Variants in TNFRSF1B observed in about 807,000 individuals in gnomAD.
TNFRSF1B encodes TNF receptor superfamily member 1B.
Under a neutral mutation model 44.6 loss-of-function variants are expected in TNFRSF1B, and 19 were observed. That is an observed-to-expected ratio of 0.43 (90% confidence interval 0.30 to 0.62). The LOEUF (loss-of-function observed/expected upper bound fraction) is 0.62. Ranked by LOEUF, TNFRSF1B falls within the 20% of genes least tolerant of loss-of-function variation. The pLI, the probability that TNFRSF1B is intolerant of heterozygous loss-of-function variation, is 0.16. For missense variants in TNFRSF1B, 541 were observed against 619.9 expected (o/e 0.87, Z 1.35); for synonymous variants, 252 against 261.1 (o/e 0.97, Z 0.34).
At position 12,192,851 on chromosome 1, in the gene TNFRSF1B, C is replaced by T. The variant is rs778099535; in HGVS notation, c.552-12C>T. ...CCCTGCTGCCTCCTGACCAAGCCTC[C>T]TCCTCCTCCAGCTGTAACGTGGTGG... On this transcript the variant is annotated splice_polypyrimidine_tract_variant and intron_variant, in intron 5 of 9. Transcript: ENST00000376259. 3.7e-6 allele frequency: 6 copies of T among 1,609,490 alleles called. No individual in the cohort carries two copies. In the South Asian group the frequency reaches 6.6e-5, roughly 18 times the overall value.
intron 9 of TNFRSF1B, among the ~76,000 whole-genome samples, chr1:12,204,749 G>A (rs976676626): frequency 1.3e-5 from 2 of 151,990 alleles, no homozygotes; most frequent in African/African-American, 2.4e-5. Context: ...AAATGTAAAC[G>A]CCTGAATTTT....
chr1:12,203,994 G>C (rs1363931658), intron 9 of TNFRSF1B, among the ~76,000 whole-genome samples: 1 of 152,182 alleles, frequency 6.6e-6, no homozygotes, highest in Non-Finnish European at 1.5e-5. Context: ...CCTCCCGAAG[G>C]GCTGGGATTA....
intron 4 of TNFRSF1B, among the ~76,000 whole-genome samples, chr1:12,192,186 G>A (rs543348124): frequency 4.5e-4 from 68 of 152,358 alleles, no homozygotes; most frequent in African/African-American, 1.4e-3. Context: ...AAAGTTATGT[G>A]ATGCTGCAAG....
In TNFRSF1B at chr1:12,207,199, G is replaced by A; in HGVS notation, c.*179G>A. The A allele has an allele frequency of 1.7e-6, 1 of 587,006 alleles. No individual in the cohort carries two copies. Among genetic ancestry groups the A allele is most frequent in the Non-Finnish European group, 2.7e-6 (1 of 366,216 alleles). The allele number at this position is 587,006 out of a possible 1,614,324, so 36.4% of individuals were successfully genotyped here. A position where few individuals can be genotyped will look rare whatever the true frequency, so the allele number is the denominator to read the frequency against. On this transcript the variant is annotated 3_prime_UTR_variant, in exon 10 of 10. Coordinates refer to ENST00000376259, the MANE Select transcript of TNFRSF1B (RefSeq NM_001066.3). ...CCCTCTGACCTGCAGGCCAAGAGCAGAGGCAGCGAGTTGTGGAAAGCCTCT... is the reference window on the plus strand; with the variant it reads ...CCCTCTGACCTGCAGGCCAAGAGCAAAGGCAGCGAGTTGTGGAAAGCCTCT...
rs1230548641 is a variant in TNFRSF1B, at chr1:12,208,469, G to A, written c.*1449G>A. On this transcript the variant is annotated 3_prime_UTR_variant, in exon 10 of 10. Coordinates refer to ENST00000376259, the MANE Select transcript of TNFRSF1B (RefSeq NM_001066.3). ...GGGTGTGTGTAGCCAAGGTCGGTAAGTTGAATGGCCTGCCTTGAAGCCACT... is the reference window on the plus strand; with the variant it reads ...GGGTGTGTGTAGCCAAGGTCGGTAAATTGAATGGCCTGCCTTGAAGCCACT... 2.0e-5 allele frequency: 3 copies of A among 152,852 alleles called. No homozygotes were observed. Among genetic ancestry groups the A allele is most frequent in the Non-Finnish European group, 4.4e-5 (3 of 68,222 alleles). 9.5% of individuals were successfully genotyped at this position (152,852 alleles called of 1,614,324 possible).
intron 3 of TNFRSF1B, 97 bp downstream of exon 3, chr1:12,191,182 C>A (rs934452561): frequency 8.6e-6 from 13 of 1,503,798 alleles, no homozygotes; most frequent in Non-Finnish European, 9.9e-6. Context: ...CTGGAGTTAC[C>A]CCAGGCTGGT....
intron 1 of TNFRSF1B, among the ~76,000 whole-genome samples, chr1:12,183,835 C>A (rs1392472101): frequency 1.3e-5 from 2 of 150,424 alleles, no homozygotes; most frequent in East Asian, 3.9e-4. Context: ...ACCTATCTAT[C>A]TATCTATCTA....
rs895603312 is a variant in TNFRSF1B, at chr1:12,178,238, C to G, written c.79-10558C>G. On this transcript the variant is annotated intron_variant, in intron 1 of 9. Transcript: ENST00000376259. The surrounding 1 kb of genome is among the most constrained non-coding windows in gnomAD (Gnocchi z 4.3). ...AAAACTTTGCTTCTGTTGAGCAATT[C>G]GGCATCGATGAGACGCCAGCTGTGG... 6.6e-6 allele frequency among the ~76,000 whole-genome samples: 1 copy of G among 152,216 alleles called. No homozygotes were observed. Among genetic ancestry groups the G allele is most frequent in the East Asian group, 1.9e-4 (1 of 5,200 alleles).
In TNFRSF1B at chr1:12,192,978, C is replaced by T. The variant is rs1398863216; in HGVS notation, c.667C>T (p.Arg223Ter). 3.1e-6 allele frequency: 5 copies of T among 1,614,110 alleles called. No individual in the cohort carries two copies. Among genetic ancestry groups the T allele is most frequent in the East Asian group, 2.2e-5 (1 of 44,892 alleles). The change falls in exon 6 of 10, where the codon CGA becomes TGA. Residue 223 changes from arginine (R) to a stop codon, truncating the protein, a stop_gained. Transcript: ENST00000376259. LOFTEE classifies it high-confidence loss of function. Reference protein sequence around the residue: ...AVHLPQPVSTRSQHTQPTPEP... With the variant: ...AVHLPQPVST ...ACACTTACCCCAGCCAGTGTCCACA[C>T]GATCCCAACACACGCAGCCAACTCC...
In TNFRSF1B at chr1:12,201,975, G is replaced by A; in HGVS notation, c.909G>A (p.Leu303=). ...ACCCCCTGCCCATCCAGCCTCACTT[G>A]CCTGCCGATAAGGCCCGGGGTACAC... The part of the protein sequence containing the change: ...CLQREAKVPH[L]PADKARGTQG... The change falls in exon 9 of 10, where the codon TTG becomes TTA. Residue 303 remains leucine (L), a synonymous_variant. Transcript: ENST00000376259. 6.2e-7 allele frequency: 1 copy of A among 1,608,750 alleles called. No homozygotes were observed. Among genetic ancestry groups the A allele is most frequent in the Middle Eastern group, 1.7e-4 (1 of 6,032 alleles).
chr1:12,202,069 G>A lies in TNFRSF1B; in HGVS notation c.1003G>A (p.Ala335Thr), dbSNP rs778973992. 1 of 1,592,508 alleles carries A rather than the reference G, an allele frequency of 6.3e-7. No homozygotes were observed. Reference protein sequence around the residue: ...SSSSSSLESSASALDRRAPTR... With the variant: ...SSSSSSLESSTSALDRRAPTR... ...CAGCAGCAGCTCCCTGGAGAGCTCG[G>A]CCAGTGCGTTGGACAGAAGGGCGCC... Residue 335 changes from alanine (A) to threonine (T), a missense_variant, in exon 9 of 10, where the codon GCC becomes ACC. Physicochemically the swap from Ala to Thr is moderately conservative, Grantham distance 58. Coordinates refer to ENST00000376259, the MANE Select transcript of TNFRSF1B (RefSeq NM_001066.3).
Position 12,171,037 on chromosome 1 carries a change from C to G in TNFRSF1B, c.78+3868C>G, listed in dbSNP as rs1419993391. On this transcript the variant is annotated intron_variant, in intron 1 of 9. Transcript: ENST00000376259. This position sits in a 1 kb window ranked among gnomAD's most constrained non-coding sequence, Gnocchi z 4.5. ...TTTTTTATTGAGATAGAGTCTTACT[C>G]TGTCACCCAGGCTGGAGTGCAGTGG... is the stretch of plus-strand genomic sequence containing the variant. 1.3e-5 allele frequency among the ~76,000 whole-genome samples: 2 copies of G among 151,870 alleles called. No homozygotes were observed. The highest frequency in any genetic ancestry group is 2.4e-5 in the African/African-American group (1 of 41,312).
chr1:12,183,686 A>G (rs1222086820), intron 1 of TNFRSF1B, among the ~76,000 whole-genome samples: 4 of 118,874 alleles, frequency 3.4e-5, no homozygotes, highest in African/African-American at 5.5e-5. Context: ...CTATCTATCT[A>G]TCTATCTATC....
Position 12,191,829 on chromosome 1 carries a change from G to A in TNFRSF1B, c.363G>A (p.Arg121=). Residue 121 remains arginine (R), a synonymous_variant, in exon 4 of 10, where the codon AGG becomes AGA. Coordinates refer to ENST00000376259, the MANE Select transcript of TNFRSF1B (RefSeq NM_001066.3). ...TREQNRICTC[R]PGWYCALSKQ... is the part of the protein sequence containing the mutation. ...AACAGAACCGCATCTGCACCTGCAG[G>A]CCCGGCTGGTACTGCGCGCTGAGCA... 1 of 1,613,196 alleles carries A rather than the reference G, an allele frequency of 6.2e-7. No homozygotes were observed. Among genetic ancestry groups the A allele is most frequent in the Non-Finnish European group, 8.5e-7 (1 of 1,179,786 alleles).
At chr1:12,172,292 A>G (rs1410432478) in intron 1 of TNFRSF1B, among the ~76,000 whole-genome samples, 1 of 152,254 alleles carries the variant, frequency 6.6e-6, no homozygotes, top group African/African-American at 2.4e-5. Context: ...TCTGAATCAG[A>G]TAAACCTCAA....
chr1:12,179,713 G>A (rs1277307086), intron 1 of TNFRSF1B, among the ~76,000 whole-genome samples: 2 of 152,188 alleles, frequency 1.3e-5, no homozygotes, highest in Middle Eastern at 3.2e-3. Flanking sequence ...AACTGTCAGA[G>A]GGCACAGAGG....
intron 1 of TNFRSF1B, among the ~76,000 whole-genome samples, chr1:12,172,397 C>T (rs1290341666): frequency 6.6e-6 from 1 of 152,216 alleles, no homozygotes; most frequent in Non-Finnish European, 1.5e-5. Context: ...GGGAGTAATC[C>T]TAGCCTCACG....
chr1:12,194,713 C>A, intron 8 of TNFRSF1B, 95 bp downstream of exon 8: 1 of 1,498,722 alleles, frequency 6.7e-7, no homozygotes, highest in South Asian at 1.1e-5. Flanking sequence ...TGTCATTGGT[C>A]TGTCCAGTGT....
intron 2 of TNFRSF1B, among the ~76,000 whole-genome samples, chr1:12,190,720 G>A (rs1256741278): frequency 6.6e-6 from 1 of 152,050 alleles, no homozygotes; most frequent in African/African-American, 2.4e-5. Flanking sequence ...CTCCAGTGGT[G>A]GAGGTTCAAG....
Sources: allele counts gnomAD v4.1 joint callset (sites outside exome capture counted in the v4.1 genomes callset), GRCh38; gene constraint gnomAD v4.1.1; non-coding constraint Gnocchi (gnomAD v3.1); transcripts MANE v1.5; gene names NCBI Gene and HGNC (gene_info 2026-07-23, HGNC 2026-07-21).